PPP2R5E: variants seen among roughly 807,000 people sequenced by gnomAD.
The protein encoded by PPP2R5E is protein phosphatase 2 regulatory subunit B'epsilon, also known as serine/threonine-protein phosphatase 2A 56 kDa regulatory subunit epsilon isoform.
A neutral mutation model predicts 65.3 loss-of-function variants in PPP2R5E; 4 were observed. The observed-to-expected ratio is 0.06, with a 90% CI of 0.03 to 0.14. PPP2R5E has a LOEUF of 0.14. PPP2R5E is among the 10% of genes least tolerant of loss of function. The pLI is 1.00. For synonymous variants in PPP2R5E, 183 were observed against 187.4 expected, an observed-to-expected ratio of 0.98 and a Z score of 0.19; for missense variants, 274 against 556.1, an observed-to-expected ratio of 0.49 and a Z score of 5.10.
intron 3 of PPP2R5E, among the ~76,000 whole-genome samples, chr14:63,432,469 A>G (rs1357782240): frequency 6.6e-6 from 1 of 152,234 alleles, no homozygotes; most frequent in Non-Finnish European, 1.5e-5. Flanking sequence ...TCAAGAATAG[A>G]GAAACAATAG....
At chr14:63,394,070 CTTTTTTTTTTTT>C (rs557273298) in intron 7 of PPP2R5E, 142 bp from the exon 8 acceptor site, 38 of 181,318 alleles carry the variant, frequency 2.1e-4, no homozygotes, top group East Asian at 1.1e-3. Flanking sequence ...TCAGAATTTC[CTTTTTTTTTTTT>C]TTTTTTTTTT....
intron 2 of PPP2R5E, among the ~76,000 whole-genome samples, chr14:63,471,204 G>A (rs913728323): frequency 7.2e-5 from 11 of 152,302 alleles, no homozygotes; most frequent in South Asian, 2.1e-4. Flanking sequence ...GATGTCTTAT[G>A]TATAGATTGT....
chr14:63,466,273 C>CAAAAAAAAAA (rs550383242), intron 2 of PPP2R5E, among the ~76,000 whole-genome samples: 3 of 118,284 alleles, frequency 2.5e-5, no homozygotes, highest in East Asian at 2.5e-4. Context: ...TTTAAAAATA[C>CAAAAAAAAAA]AAAAAAAAAA....
At chr14:63,467,966 C>A (rs940647645) in intron 2 of PPP2R5E, among the ~76,000 whole-genome samples, 2 of 152,182 alleles carry the variant, frequency 1.3e-5, no homozygotes, top group Non-Finnish European at 2.9e-5. Flanking sequence ...GTTTCCTCAT[C>A]TATAAATGAG....
intron 5 of PPP2R5E, among the ~76,000 whole-genome samples, chr14:63,410,451 T>C (rs1196866199): frequency 6.6e-6 from 1 of 151,732 alleles, no homozygotes; most frequent in Non-Finnish European, 1.5e-5. Flanking sequence ...TCAAGGACAG[T>C]TAAGTCACAG....
intron 5 of PPP2R5E, among the ~76,000 whole-genome samples, chr14:63,410,207 T>G (rs373733541): frequency 9.2e-5 from 14 of 152,296 alleles, no homozygotes; most frequent in African/African-American, 3.4e-4. Context: ...AAGATTCTTT[T>G]TTGAGACCAC....
At chr14:63,481,946 A>T (rs1052595980) in intron 2 of PPP2R5E, among the ~76,000 whole-genome samples, 1 of 152,200 alleles carries the variant, frequency 6.6e-6, no homozygotes, top group Non-Finnish European at 1.5e-5. Flanking sequence ...ATTTTTTAGA[A>T]GATGATGGTA....
At position 63,375,782 on chromosome 14, in the gene PPP2R5E, T is replaced by G; in HGVS notation, c.*227A>C. On this transcript the variant is annotated 3_prime_UTR_variant, in exon 14 of 14. Transcript: ENST00000337537. The stretch of plus-strand genomic sequence containing the variant: ...TTTTAAAAGAGGGTGAGAACAATGA[T>G]TATGTTTGCAAAGTTCTGAGAAGTC... 1 of 331,004 alleles carries G rather than the reference T, an allele frequency of 3.0e-6. No homozygotes were observed. Among genetic ancestry groups the G allele is most frequent in the Non-Finnish European group, 5.5e-6 (1 of 182,818 alleles). The allele number at this position is 331,004 out of a possible 1,614,324, so 20.5% of individuals were successfully genotyped here.
intron 6 of PPP2R5E, 34 bp downstream of exon 6, chr14:63,396,552 G>GCTT (rs776826454): frequency 6.2e-7 from 1 of 1,605,308 alleles, no homozygotes; most frequent in Non-Finnish European, 8.5e-7. Context: ...CACCAACTTT[G>GCTT]CTTCTCCTTC....
intron 3 of PPP2R5E, among the ~76,000 whole-genome samples, chr14:63,440,537 A>T (rs548116233): frequency 5.8e-4 from 89 of 152,216 alleles, no homozygotes; most frequent in African/African-American, 2.1e-3. Context: ...AGAAGAGCTC[A>T]AGAAACAAAC....
rs1278388815 is a variant in PPP2R5E at position 63,379,823 on chromosome 14, TCTC to T, written c.1304+2230_1304+2232del. ...AAATAAGTTGTTCTTCAATATTCTC[TCTC>T]TTTTTTTTTTTTTTTTTTTTTTTTT... On this transcript the variant is annotated intron_variant, in intron 13 of 13. Transcript: ENST00000337537. Among the ~76,000 whole-genome samples, 11 of 121,666 alleles carry T rather than the reference TCTC, an allele frequency of 9.0e-5. 1 individual carries two copies. The highest frequency in any genetic ancestry group is 4.7e-4 in the South Asian group (2 of 4,276). 79.8% of individuals were successfully genotyped at this position (121,666 alleles called of 152,430 possible).
chr14:63,395,001 C>T (rs572830733), intron 7 of PPP2R5E, among the ~76,000 whole-genome samples: 2 of 152,204 alleles, frequency 1.3e-5, no homozygotes, highest in East Asian at 3.8e-4. Flanking sequence ...GAACTGTCAG[C>T]TCTTTCAGTC....
intron 2 of PPP2R5E, among the ~76,000 whole-genome samples, chr14:63,479,971 C>A (rs1273494179): frequency 6.6e-6 from 1 of 152,140 alleles, no homozygotes; most frequent in Non-Finnish European, 1.5e-5. Context: ...AAACTTTCCA[C>A]AAAGAATTTT....
At chr14:63,537,413 A>G (rs948912972) in intron 2 of PPP2R5E, among the ~76,000 whole-genome samples, 5 of 152,226 alleles carry the variant, frequency 3.3e-5, no homozygotes, top group Admixed American at 3.3e-4. Flanking sequence ...CCAAAGCCTC[A>G]TAATGACTAT....
intron 2 of PPP2R5E, among the ~76,000 whole-genome samples, chr14:63,511,949 C>T (rs1892470392): frequency 6.6e-6 from 1 of 151,838 alleles, no homozygotes; most frequent in Non-Finnish European, 1.5e-5. Flanking sequence ...CGTGGTGGTG[C>T]ACCCCTGTAA....
chr14:63,496,887 T>TTA (rs561854527), intron 2 of PPP2R5E, among the ~76,000 whole-genome samples: 4 of 144,296 alleles, frequency 2.8e-5, no homozygotes, highest in African/African-American at 1.0e-4. Flanking sequence ...GTACACAGTT[T>TTA]AAAAAAAAAA....
chr14:63,500,842 G>A (rs965663331), intron 2 of PPP2R5E, among the ~76,000 whole-genome samples: 8 of 151,982 alleles, frequency 5.3e-5, no homozygotes, highest in Admixed American at 3.9e-4. Flanking sequence ...CAATCAGCCT[G>A]GGTGACAGAG....
At chr14:63,454,406 T>C (rs1220854821) in intron 2 of PPP2R5E, among the ~76,000 whole-genome samples, 1 of 152,194 alleles carries the variant, frequency 6.6e-6, no homozygotes, top group African/African-American at 2.4e-5. Context: ...AGTTTCTTTC[T>C]GAAAGAAACC....
intron 2 of PPP2R5E, among the ~76,000 whole-genome samples, chr14:63,498,608 A>T (rs1891699195): frequency 6.6e-6 from 1 of 151,786 alleles, no homozygotes; most frequent in East Asian, 1.9e-4. Flanking sequence ...CCCAGGCTGG[A>T]GCGAGATGGC....
Sources: allele counts gnomAD v4.1 joint callset (sites outside exome capture counted in the v4.1 genomes callset), GRCh38; gene constraint gnomAD v4.1.1; transcripts MANE v1.5; gene names NCBI Gene and HGNC (gene_info 2026-07-23, HGNC 2026-07-21).